FBXL7: variants seen among roughly 807,000 people sequenced by gnomAD.
FBXL7 encodes F-box/LRR-repeat protein 7.
Under a neutral mutation model 38.3 loss-of-function variants are expected in FBXL7, and 12 were observed. That is an observed-to-expected ratio of 0.31 (90% CI 0.20 to 0.51). FBXL7 has a LOEUF of 0.51. Ranked by LOEUF, FBXL7 falls within the 20% of genes least tolerant of loss-of-function variation. The pLI, the probability that FBXL7 is intolerant of heterozygous loss-of-function variation, is 0.98. For synonymous variants in FBXL7, 297 were observed against 300.9 expected (o/e 0.99, Z 0.13); for missense variants, 567 against 676.4 (o/e 0.84, Z 1.79).
chr5:15,670,155 T>C lies in FBXL7; in HGVS notation c.127+54083T>C, dbSNP rs148497798. Among the ~76,000 whole-genome samples, 545 of 152,356 alleles carry C rather than the reference T, an allele frequency of 3.6e-3. 13 individuals are homozygous for C. Among genetic ancestry groups the C allele is most frequent in the Admixed American group, 0.027 (418 of 15,302 alleles). On this transcript the variant is annotated intron_variant, in intron 2 of 3. Coordinates refer to ENST00000504595, the MANE Select transcript of FBXL7 (RefSeq NM_012304.5). Reference sequence around the variant, plus strand: ...CCTTGGTTGAGTAGACTGATAAATATGTTGATATTTAATTGCATAGAGCAA... The same window carrying C: ...CCTTGGTTGAGTAGACTGATAAATACGTTGATATTTAATTGCATAGAGCAA...
intron 2 of FBXL7, among the ~76,000 whole-genome samples, chr5:15,854,670 C>T (rs973070825): frequency 2.0e-5 from 3 of 152,126 alleles, no homozygotes; most frequent in Admixed American, 2.0e-4. Flanking sequence ...TTCTCACGCA[C>T]TCTCCCACCT....
intron 1 of FBXL7, among the ~76,000 whole-genome samples, chr5:15,549,212 T>C (rs1258642112): frequency 1.3e-5 from 2 of 152,228 alleles, no homozygotes; most frequent in Admixed American, 6.5e-5. Flanking sequence ...CATAGCATAT[T>C]CTACACATAG....
chr5:15,763,609 A>G (rs1205414404), intron 2 of FBXL7, among the ~76,000 whole-genome samples: 1 of 152,210 alleles, frequency 6.6e-6, no homozygotes, highest in Non-Finnish European at 1.5e-5. Context: ...GGTTACATAG[A>G]ATGATTTTCT....
chr5:15,826,203 T>C (rs1738304844), intron 2 of FBXL7, among the ~76,000 whole-genome samples: 1 of 152,238 alleles, frequency 6.6e-6, no homozygotes. Flanking sequence ...GTCTTTATTT[T>C]CACTCCTTAC....
At chr5:15,523,563 A>C (rs1737163963) in intron 1 of FBXL7, among the ~76,000 whole-genome samples, 1 of 152,088 alleles carries the variant, frequency 6.6e-6, no homozygotes, top group South Asian at 2.1e-4. Flanking sequence ...TGTCTCAAAA[A>C]AAAAAAAAAA....
At chr5:15,838,608 A>C (rs1045079943) in intron 2 of FBXL7, among the ~76,000 whole-genome samples, 2 of 152,192 alleles carry the variant, frequency 1.3e-5, no homozygotes, top group Non-Finnish European at 2.9e-5. Flanking sequence ...AAAGATCTGC[A>C]AGGATTTGTT....
At position 15,581,029 on chromosome 5, in the gene FBXL7, G is replaced by A. The variant is rs572125289; in HGVS notation, c.38-34954G>A. Reference sequence around the variant, plus strand: ...ACCTGGGGACAGATGCTGCTAGCTGGTGAGCGGAGCCCACTTGCTTCCTTA... The same window carrying A: ...ACCTGGGGACAGATGCTGCTAGCTGATGAGCGGAGCCCACTTGCTTCCTTA... On this transcript the variant is annotated intron_variant, in intron 1 of 3. Coordinates refer to ENST00000504595, the MANE Select transcript of FBXL7 (RefSeq NM_012304.5). Among the ~76,000 whole-genome samples, 175 of 152,272 alleles carry A rather than the reference G, an allele frequency of 1.1e-3. 1 individual carries two copies. Among genetic ancestry groups the A allele is most frequent in the African/African-American group, 4.1e-3 (169 of 41,562 alleles).
intron 2 of FBXL7, among the ~76,000 whole-genome samples, chr5:15,825,551 C>T (rs1183238531): frequency 6.6e-6 from 1 of 152,150 alleles, no homozygotes; most frequent in African/African-American, 2.4e-5. Flanking sequence ...AAAGAACTCA[C>T]CTGTGCGTTT....
At chr5:15,647,635 T>C (rs913413015) in intron 2 of FBXL7, among the ~76,000 whole-genome samples, 1 of 152,350 alleles carries the variant, frequency 6.6e-6, no homozygotes, top group African/African-American at 2.4e-5. Context: ...TATGTACTAG[T>C]CAACAATTGG....
chr5:15,729,484 C>G (rs1735515191), intron 2 of FBXL7, among the ~76,000 whole-genome samples: 1 of 152,034 alleles, frequency 6.6e-6, no homozygotes, highest in South Asian at 2.1e-4. Context: ...TTGACTATGA[C>G]TTCCTTATAA....
intron 2 of FBXL7, among the ~76,000 whole-genome samples, chr5:15,889,260 T>C (rs1412894021): frequency 6.6e-6 from 1 of 152,200 alleles, no homozygotes; most frequent in East Asian, 1.9e-4. Flanking sequence ...TGAGAGATCA[T>C]TCTCCTCAGA....
At chr5:15,530,305 A>G (rs998046285) in intron 1 of FBXL7, among the ~76,000 whole-genome samples, 4 of 152,210 alleles carry the variant, frequency 2.6e-5, no homozygotes, top group African/African-American at 7.2e-5. Context: ...ACCCTTCTCT[A>G]TACAAACTCC....
At chr5:15,861,656 G>A (rs1289765126) in intron 2 of FBXL7, among the ~76,000 whole-genome samples, 1 of 152,120 alleles carries the variant, frequency 6.6e-6, no homozygotes, top group African/African-American at 2.4e-5. Context: ...ATAGCAGCAG[G>A]GATATGAACA....
chr5:15,928,262 A>T lies in FBXL7; in HGVS notation c.500A>T (p.Asp167Val). Residue 167 changes from aspartate to valine, a missense_variant, in exon 3 of 4, where the codon GAC becomes GTC. By Grantham distance (152) the Asp-to-Val change is radical. Transcript: ENST00000504595. The surrounding 1 kb of genome is among the most constrained non-coding windows in gnomAD (Gnocchi z 4.0). ...CTGACGGGCGAGACCATCAACGTGG[A>T]CCGCGCCCTCAAGGTGCTGACCCGC... ...IRLTGETINV[D>V]RALKVLTRRL... 1 of 1,612,362 alleles carries T rather than the reference A, an allele frequency of 6.2e-7. No individual in the cohort carries two copies.
chr5:15,718,475 A>C (rs1218086326), intron 2 of FBXL7, among the ~76,000 whole-genome samples: 1 of 152,210 alleles, frequency 6.6e-6, no homozygotes, highest in African/African-American at 2.4e-5. Context: ...GGGCAGCTGA[A>C]GACTCACTAA....
chr5:15,617,802 A>G (rs1418146448), intron 2 of FBXL7, among the ~76,000 whole-genome samples: 1 of 152,220 alleles, frequency 6.6e-6, no homozygotes, highest in Non-Finnish European at 1.5e-5. Context: ...AGTTACACAT[A>G]GTGCAATCCT....
intron 1 of FBXL7, 112 bp from the exon 2 acceptor site, chr5:15,615,871 A>C (rs1404413715): frequency 4.8e-6 from 3 of 623,462 alleles, no homozygotes; most frequent in Non-Finnish European, 8.4e-6. Flanking sequence ...TCTTTGTATT[A>C]TAGCTGCTTT....
intron 2 of FBXL7, among the ~76,000 whole-genome samples, chr5:15,661,616 G>T (rs1443555146): frequency 6.6e-6 from 1 of 152,070 alleles, no homozygotes; most frequent in Non-Finnish European, 1.5e-5. Flanking sequence ...AAGCTCATGG[G>T]GTTTGTTGTA....
chr5:15,832,340 T>C (rs2126775037), intron 2 of FBXL7, among the ~76,000 whole-genome samples: 1 of 152,290 alleles, frequency 6.6e-6, no homozygotes, highest in South Asian at 2.1e-4. Context: ...TTAAAGCTTG[T>C]TTTTACAAAT....
Sources: allele counts gnomAD v4.1 joint callset (sites outside exome capture counted in the v4.1 genomes callset), GRCh38; gene constraint gnomAD v4.1.1; non-coding constraint Gnocchi (gnomAD v3.1); transcripts MANE v1.5; gene names NCBI Gene and HGNC (gene_info 2026-07-23, HGNC 2026-07-21).